The following ATG14 variants were observed in gnomAD, a reference collection of about 807,000 sequenced individuals.
The protein encoded by ATG14 is autophagy related 14, also known as beclin 1-associated autophagy-related key regulator.
Under a neutral mutation model 60.4 loss-of-function variants are expected in ATG14, and 35 were observed. The ratio of observed to expected loss-of-function variants is 0.58; its 90% confidence interval spans 0.44 to 0.77. The LOEUF is 0.77. ATG14 is among the 30% of genes least tolerant of loss of function. ATG14 has a pLI of 0.00. For missense variants in ATG14, 647 were observed against 626.3 expected, an observed-to-expected ratio of 1.03 and a Z score of -0.35; for synonymous variants, 234 against 228.8, an observed-to-expected ratio of 1.02 and a Z score of -0.21.
At chr14:55,378,665 A>G (rs1360180622) in intron 7 of ATG14, among the ~76,000 whole-genome samples, 1 of 151,386 alleles carries the variant, frequency 6.6e-6, no homozygotes, top group Non-Finnish European at 1.5e-5. Flanking sequence ...CCACTCAAAC[A>G]CAGCAAGCCC....
Position 55,369,586 on chromosome 14 carries a change from G to A in ATG14, c.*33C>T. 6.9e-7 allele frequency: 1 copy of A among 1,457,444 alleles called. No individual in the cohort carries two copies. Among genetic ancestry groups the A allele is most frequent in the African/African-American group, 1.4e-5 (1 of 71,158 alleles). 90.3% of individuals were successfully genotyped at this position (1,457,444 alleles called of 1,614,324 possible). ...AGTGTAGTGGGAGAAGAACTTTCTT[G>A]ATGCAGATTTGGTATGTTTTGGTCC... On this transcript the variant is annotated 3_prime_UTR_variant, in exon 10 of 10. Coordinates refer to ENST00000247178, the MANE Select transcript of ATG14 (RefSeq NM_014924.5).
chr14:55,377,219 C>T (rs1228695410), intron 9 of ATG14, among the ~76,000 whole-genome samples: 2 of 152,072 alleles, frequency 1.3e-5, no homozygotes, highest in Non-Finnish European at 2.9e-5. Flanking sequence ...TGGTGGTGCA[C>T]ACTTGTAATC....
chr14:55,399,104 C>T (rs1885360101), intron 1 of ATG14, among the ~76,000 whole-genome samples: 3 of 152,246 alleles, frequency 2.0e-5, no homozygotes, highest in Middle Eastern at 3.4e-3. Flanking sequence ...TGGAAACATA[C>T]CCCAAGATGT....
intron 1 of ATG14, among the ~76,000 whole-genome samples, chr14:55,399,693 G>C (rs1885367769): frequency 6.6e-6 from 1 of 152,200 alleles, no homozygotes; most frequent in African/African-American, 2.4e-5. Flanking sequence ...ACAACAGGGT[G>C]ATTTATGTTC....
At chr14:55,398,579 GCTTA>G (rs1885352022) in intron 1 of ATG14, among the ~76,000 whole-genome samples, 1 of 152,068 alleles carries the variant, frequency 6.6e-6, no homozygotes, top group Non-Finnish European at 1.5e-5. Context: ...TTTCTAGGTA[GCTTA>G]CTGTTATTGT....
rs1884708647 is a variant in ATG14 at position 55,367,572 on chromosome 14, C to T, written c.*2047G>A. 1 of 152,148 alleles carries T rather than the reference C, an allele frequency of 6.6e-6. No individual in the cohort carries two copies. Among genetic ancestry groups the T allele is most frequent in the African/African-American group, 2.4e-5 (1 of 41,408 alleles). 9.4% of individuals were successfully genotyped at this position (152,148 alleles called of 1,614,324 possible). A position where few individuals can be genotyped will look rare whatever the true frequency, so the allele number is the denominator to read the frequency against. On this transcript the variant is annotated 3_prime_UTR_variant, in exon 10 of 10. Transcript: ENST00000247178. ...AGCCTGGCCAACATGGTGAAAACCC[C>T]CGTCTTTACTAAAATACAAAAATTA...
Position 55,395,960 on chromosome 14 carries a change from T to G in ATG14, c.307A>C (p.Lys103Gln), listed in dbSNP as rs760408811. The G allele has an allele frequency of 6.3e-7, 1 of 1,596,610 alleles. No individual in the cohort carries two copies. The highest frequency in any genetic ancestry group is 1.7e-5 in the Admixed American group (1 of 57,212). ...CTTACCAACTGATCTGTTATCCATT[T>G]TCCTTCCATAGCTTTTAACACTCTG... The part of the protein sequence containing the change: ...QKEVLKAMEG[K>Q]WITDQLRWKI... The change falls in exon 3 of 10, where the codon AAA (lysine) becomes CAA (glutamine). Residue 103 changes from lysine to glutamine, a missense_variant. Physicochemically the swap from Lys to Gln is moderately conservative, Grantham distance 53. Transcript: ENST00000247178.
chr14:55,369,270 C>CACACT lies in ATG14; in HGVS notation c.*344_*348dup, dbSNP rs1200162071. The stretch of plus-strand genomic sequence containing the variant: ...ACAGTCTCAGCACCGCAAGGACCAG[C>CACACT]ACACTGACCCATATCTGTGGGCCCG... On this transcript the variant is annotated 3_prime_UTR_variant, in exon 10 of 10. Transcript: ENST00000247178. The CACACT allele has an allele frequency of 1.1e-5, 2 of 175,808 alleles. No homozygotes were observed. The highest frequency in any genetic ancestry group is 5.2e-5 in the African/African-American group (2 of 38,526). The allele number at this position is 175,808 out of a possible 1,614,324, so 10.9% of individuals were successfully genotyped here. A position where few individuals can be genotyped will look rare whatever the true frequency, so the allele number is the denominator to read the frequency against.
Position 55,411,667 on chromosome 14 carries a change from C to A in ATG14, c.156G>T (p.Arg52=). The A allele has an allele frequency of 6.2e-7, 1 of 1,613,434 alleles. No homozygotes were observed. Among genetic ancestry groups the A allele is most frequent in the Non-Finnish European group, 8.5e-7 (1 of 1,179,892 alleles). Residue 52 remains arginine, a synonymous_variant, in exon 1 of 10, where the codon CGG becomes CGT. Transcript: ENST00000247178. The part of the protein sequence containing the change: ...RCPLCNTTRR[R]LTCAKCVQSG... ...TCTGAACGCATTTGGCGCAGGTCAG[C>A]CGCCGGCGGGTAGTGTTGCACAGCG... is the stretch of plus-strand genomic sequence containing the variant.
At chr14:55,378,613 T>TCCTC (rs1187730283) in intron 7 of ATG14, among the ~76,000 whole-genome samples, 20 of 151,934 alleles carry the variant, frequency 1.3e-4, no homozygotes, top group African/African-American at 4.3e-4. Flanking sequence ...CTCCCTCCCT[T>TCCTC]CCTCCCTCCC....
Position 55,411,762 on chromosome 14 carries a change from G to C in ATG14, c.61C>G (p.Pro21Ala). The C allele has an allele frequency of 6.2e-7, 1 of 1,606,134 alleles. No homozygotes were observed. Among genetic ancestry groups the C allele is most frequent in the South Asian group, 1.1e-5 (1 of 89,978 alleles). Reference sequence around the variant, plus strand: ...GAGTCCACCAGGTCCCGGGCGAGCGGCCGGGGCCCGCAGCCAGGAGCCTCC... The same window carrying C: ...GAGTCCACCAGGTCCCGGGCGAGCGCCCGGGGCCCGCAGCCAGGAGCCTCC... ...ALEAPGCGPRPLARDLVDSVD... is the reference protein window; with the variant it reads ...ALEAPGCGPRALARDLVDSVD... Residue 21 changes from proline to alanine, a missense_variant, in exon 1 of 10, where the codon CCG (proline) becomes GCG (alanine). Physicochemically the swap from Pro to Ala is conservative, Grantham distance 27 (BLOSUM62 -1). Coordinates refer to ENST00000247178, the MANE Select transcript of ATG14 (RefSeq NM_014924.5).
At chr14:55,383,181 G>T (rs1436690228) in intron 5 of ATG14, among the ~76,000 whole-genome samples, 1 of 152,106 alleles carries the variant, frequency 6.6e-6, no homozygotes, top group Non-Finnish European at 1.5e-5. Flanking sequence ...ATATGCCACA[G>T]CCAGCCCTGT....
intron 9 of ATG14, among the ~76,000 whole-genome samples, chr14:55,374,829 G>T (rs1308079284): frequency 6.6e-6 from 1 of 152,150 alleles, no homozygotes. Flanking sequence ...ACAAGAGTCT[G>T]TTTCGGGACT....
chr14:55,401,743 G>A (rs8007121), intron 1 of ATG14, among the ~76,000 whole-genome samples: 3,029 of 152,144 alleles, frequency 0.02, 80 homozygotes, highest in African/African-American at 0.069. Context: ...AAGGGTGCTC[G>A]CACACAGCCC....
At chr14:55,408,134 A>G (rs1218212346) in intron 1 of ATG14, among the ~76,000 whole-genome samples, 3 of 152,176 alleles carry the variant, frequency 2.0e-5, no homozygotes, top group Non-Finnish European at 4.4e-5. Context: ...TGCCATTTAC[A>G]AAATGAAATA....
At chr14:55,381,890 T>TTTTGTTATG in intron 6 of ATG14, 72 bp downstream of exon 6, 3 of 1,349,948 alleles carry the variant, frequency 2.2e-6, no homozygotes, top group Non-Finnish European at 3.1e-6. Flanking sequence ...TTGAAAGCTC[T>TTTTGTTATG]TCATTTTGTT....
chr14:55,400,257 G>A (rs972819884), intron 1 of ATG14, among the ~76,000 whole-genome samples: 3 of 152,110 alleles, frequency 2.0e-5, no homozygotes, highest in Non-Finnish European at 4.4e-5. Context: ...CAGCTTCCAA[G>A]AGGTGAAAAA....
chr14:55,389,505 T>C (rs958867099), intron 4 of ATG14, among the ~76,000 whole-genome samples: 4 of 152,180 alleles, frequency 2.6e-5, no homozygotes, highest in African/African-American at 4.8e-5. Context: ...AATGGAAGCT[T>C]TACACCATTA....
At chr14:55,372,134 A>G (rs893688699) in intron 9 of ATG14, among the ~76,000 whole-genome samples, 9 of 151,996 alleles carry the variant, frequency 5.9e-5, no homozygotes, top group Non-Finnish European at 1.0e-4. Context: ...CTCATCTCAC[A>G]TATCTGAACC....
Sources: allele counts gnomAD v4.1 joint callset (sites outside exome capture counted in the v4.1 genomes callset), GRCh38; gene constraint gnomAD v4.1.1; transcripts MANE v1.5; gene names NCBI Gene and HGNC (gene_info 2026-07-23, HGNC 2026-07-21).